The following ERCC6 variants were observed in gnomAD, a reference collection of about 807,000 sequenced individuals.
ERCC6 encodes the protein DNA excision repair protein ERCC-6.
A neutral mutation model predicts 158.7 loss-of-function variants in ERCC6; 116 were observed. The observed-to-expected ratio is 0.73, with a 90% CI of 0.63 to 0.85. ERCC6 has a LOEUF of 0.85. Ranked by LOEUF, ERCC6 falls within the 40% of genes least tolerant of loss-of-function variation. The probability of loss-of-function intolerance (pLI) is 0.00; values close to 1 mark genes in which losing one functional copy is unlikely to be tolerated. For missense variants in ERCC6, 1,698 were observed against 1,799.4 expected (o/e 0.94, Z 1.02); for synonymous variants, 678 against 659.3 (o/e 1.03, Z -0.43).
At chr10:49,453,569 T>C (rs1033788625), downstream of ERCC6, among the ~76,000 whole-genome samples, 8 of 152,184 alleles carry the variant, frequency 5.3e-5, no homozygotes, top group African/African-American at 1.9e-4. Flanking sequence ...AGGAGAAAAA[T>C]ATGCATTTAT....
intron 11 of ERCC6, 88 bp from the exon 12 acceptor site, chr10:49,476,398 A>G (rs1850878360): frequency 1.2e-6 from 1 of 865,652 alleles, no homozygotes; most frequent in Non-Finnish European, 1.9e-6. Context: ...CCTGATCAAA[A>G]GAGCACAATG....
chr10:49,499,236 C>T (rs1050033992), intron 7 of ERCC6, among the ~76,000 whole-genome samples: 5 of 152,190 alleles, frequency 3.3e-5, no homozygotes, highest in Admixed American at 3.3e-4. Context: ...ATTTAAAAAT[C>T]TCCAAGTGTT....
Position 49,532,707 on chromosome 10 carries a change from G to T in ERCC6, c.258C>A (p.Ser86Arg). ...AACCCTGCAGCTCAAGGGCCTGGGC[G>T]CTAGGCTCTACTGCCTGGATCTGAT... ...DRHQIQAVEP[S>R]AQALELQGLG... is the part of the protein sequence containing the mutation. The change falls in exon 2 of 21, where the codon AGC (serine) becomes AGA (arginine). Residue 86 changes from serine (S) to arginine (R), a missense_variant. Ser to Arg is a moderately radical substitution (Grantham distance 110). Transcript: ENST00000355832. The T allele has an allele frequency of 6.2e-7, 1 of 1,614,202 alleles. No homozygotes were observed. Among genetic ancestry groups the T allele is most frequent in the South Asian group, 1.1e-5 (1 of 91,086 alleles).
In ERCC6 at chr10:49,515,974, C is replaced by T. The variant is rs1564436740; in HGVS notation, c.1397+8059G>A. 2.5e-6 allele frequency: 4 copies of T among 1,613,996 alleles called. No individual in the cohort carries two copies. The Admixed American group carries it at 6.7e-5, about 27-fold the overall frequency. ...ACATCTGATTCCAGTGGAACTCTGT[C>T]AATGTGATCCTTTCTCACTGTACCT... is the stretch of plus-strand genomic sequence containing the variant. On this transcript the variant is annotated intron_variant, in intron 5 of 20. Coordinates refer to ENST00000355832, the MANE Select transcript of ERCC6 (RefSeq NM_000124.4).
At chr10:49,460,596 C>G in intron 19 of ERCC6, 145 bp from the exon 20 acceptor site, 1 of 693,012 alleles carries the variant, frequency 1.4e-6, no homozygotes, top group Non-Finnish European at 2.6e-6. Context: ...TCTGCTCTAT[C>G]CCCCTCGATT....
At chr10:49,533,512 G>A (rs1001277891) in intron 1 of ERCC6, among the ~76,000 whole-genome samples, 6 of 152,214 alleles carry the variant, frequency 3.9e-5, no homozygotes, top group Admixed American at 2.6e-4. Flanking sequence ...GGCCAGGCAC[G>A]TGGCTCAGTC....
chr10:49,524,838 A>C (rs1837274589), intron 4 of ERCC6, 61 bp from the exon 5 acceptor site: 13 of 1,591,950 alleles, frequency 8.2e-6, no homozygotes, highest in Non-Finnish European at 9.4e-6. Flanking sequence ...GTACAAAAGA[A>C]ATGCTCACTC....
intron 7 of ERCC6, among the ~76,000 whole-genome samples, chr10:49,499,045 A>G (rs1477129244): frequency 6.6e-6 from 1 of 152,230 alleles, no homozygotes; most frequent in African/African-American, 2.4e-5. Flanking sequence ...GAAAAAGCAT[A>G]TTAAAAAAAT....
chr10:49,435,565 G>C, the ERCC6 span, among the ~76,000 whole-genome samples: 29,725 of 152,126 alleles, frequency 0.2, 3,316 homozygotes, highest in South Asian at 0.34. Flanking sequence ...ACTTTAAATA[G>C]CTTATGAATT....
intron 1 of ERCC6, among the ~76,000 whole-genome samples, chr10:49,534,550 G>A (rs1208152349): frequency 6.6e-6 from 1 of 152,164 alleles, no homozygotes; most frequent in African/African-American, 2.4e-5. Flanking sequence ...CACACAGAAT[G>A]ATCTGGCAGG....
chr10:49,530,715 A>T lies in ERCC6; in HGVS notation c.543+5T>A. The T allele has an allele frequency of 1.9e-6, 3 of 1,612,798 alleles. No homozygotes were observed. The highest frequency in any genetic ancestry group is 2.5e-6 in the Non-Finnish European group (3 of 1,179,570). On this transcript the variant is annotated splice_donor_5th_base_variant and intron_variant, in intron 3 of 20. Transcript: ENST00000355832. Reference sequence around the variant, plus strand: ...AATGCAATACTGAATGTTATTCTGAATCACCTTATTATACTTCTGTCGTTT... The same window carrying T: ...AATGCAATACTGAATGTTATTCTGATTCACCTTATTATACTTCTGTCGTTT...
At chr10:49,508,268 T>C (rs1851477927) in intron 5 of ERCC6, among the ~76,000 whole-genome samples, 1 of 152,204 alleles carries the variant, frequency 6.6e-6, no homozygotes, top group Non-Finnish European at 1.5e-5. Flanking sequence ...AAATATTTTA[T>C]ATACAGGGTA....
chr10:49,530,699 CTGAA>C lies in ERCC6; in HGVS notation c.543+17_543+20del. 6.2e-7 allele frequency: 1 copy of C among 1,611,242 alleles called. No individual in the cohort carries two copies. The highest frequency in any genetic ancestry group is 8.5e-7 in the Non-Finnish European group (1 of 1,178,994). ...TGATGACTTTTTCAAAAATGCAATA[CTGAA>C]TGTTATTCTGAATCACCTTATTATA... On this transcript the variant is annotated intron_variant, in intron 3 of 20. Transcript: ENST00000355832.
In ERCC6 at chr10:49,458,526, A is replaced by G. The variant is rs969422182; in HGVS notation, c.*289T>C. The G allele has an allele frequency of 1.8e-5, 7 of 380,688 alleles. No individual in the cohort carries two copies. The highest frequency in any genetic ancestry group is 3.4e-5 in the Non-Finnish European group (7 of 205,476). 23.6% of individuals were successfully genotyped at this position (380,688 alleles called of 1,614,324 possible). A position where few individuals can be genotyped will look rare whatever the true frequency, so the allele number is the denominator to read the frequency against. ...GACAGCATCTTTTGGGTAAAGGAAC[A>G]AATGTGCTCCAAGGAGTAACTGTTA... On this transcript the variant is annotated 3_prime_UTR_variant, in exon 21 of 21. Transcript: ENST00000355832.
At chr10:49,537,502 T>TACATATAC (rs1837628051) in intron 1 of ERCC6, among the ~76,000 whole-genome samples, 1 of 128,806 alleles carries the variant, frequency 7.8e-6, no homozygotes, top group Non-Finnish European at 1.7e-5. Context: ...TATATATATA[T>TACATATAC]ACACATACAC....
intron 16 of ERCC6, among the ~76,000 whole-genome samples, 165 bp from the exon 17 acceptor site, chr10:49,471,285 T>C (rs548060608): frequency 6.6e-6 from 1 of 152,160 alleles, no homozygotes; most frequent in Non-Finnish European, 1.5e-5. Flanking sequence ...AAATATATAA[T>C]ACATCAGTTA....
At chr10:49,521,153 A>G (rs1837148220) in intron 5 of ERCC6, among the ~76,000 whole-genome samples, 2 of 152,270 alleles carry the variant, frequency 1.3e-5, no homozygotes, top group African/African-American at 4.8e-5. Context: ...TGCATTGTTG[A>G]CATGAAAGCA....
chr10:49,536,877 G>A (rs1016778306), intron 1 of ERCC6, among the ~76,000 whole-genome samples: 1 of 152,112 alleles, frequency 6.6e-6, no homozygotes, highest in African/African-American at 2.4e-5. Flanking sequence ...TCCAAGCTGG[G>A]TAGGTTTAAA....
rs748391078 is a variant in ERCC6, at chr10:49,498,157, TA to T, written c.1685+2380del. On this transcript the variant is annotated intron_variant, in intron 7 of 20. Transcript: ENST00000355832. ...TTTCTCTGTCTTCTAGAAACACACA[TA>T]CAACACACATTTTTTAAAAAATAAC... Among the ~76,000 whole-genome samples the T allele has an allele frequency of 2.3e-4, 35 of 152,178 alleles. 3 individuals are homozygous for T. The highest frequency in any genetic ancestry group is 1.3e-3 in the East Asian group (7 of 5,202).
Sources: allele counts gnomAD v4.1 joint callset (sites outside exome capture counted in the v4.1 genomes callset), GRCh38; gene constraint gnomAD v4.1.1; transcripts MANE v1.5; gene names NCBI Gene and HGNC (gene_info 2026-07-23, HGNC 2026-07-21).